Variants in C6 observed in about 807,000 individuals in gnomAD.
The protein encoded by C6 is complement component C6.
C6 carries 101 observed loss-of-function variants against 112.9 expected under a neutral mutation model. The ratio of observed to expected loss-of-function variants is 0.89; its 90% CI spans 0.76 to 1.06. C6 has a LOEUF of 1.06. Among genes scored for constraint, C6 ranks in the 50% least tolerant of loss-of-function variants. The pLI is 0.00. For missense variants in C6, 1,202 were observed against 1,104.6 expected (o/e 1.09, Z -1.25); for synonymous variants, 431 against 384.1 (o/e 1.12, Z -1.43).
At chr5:41,147,360 T>C (rs772896391) in intron 17 of C6, among the ~76,000 whole-genome samples, 4 of 152,172 alleles carry the variant, frequency 2.6e-5, no homozygotes, top group Non-Finnish European at 5.9e-5. Context: ...ATTGCTTTGT[T>C]TAGACATGGC....
chr5:41,215,076 A>G (rs956949746), upstream of C6, among the ~76,000 whole-genome samples: 1 of 152,306 alleles, frequency 6.6e-6, no homozygotes, highest in East Asian at 1.9e-4. Flanking sequence ...GTTAAATGAC[A>G]TATCTCACTC....
chr5:41,187,696 A>T (rs1345153037), intron 5 of C6, among the ~76,000 whole-genome samples: 1 of 46,046 alleles, frequency 2.2e-5, no homozygotes, highest in African/African-American at 1.3e-4. Flanking sequence ...ACAGACACAC[A>T]CATACACACA....
intron 9 of C6, among the ~76,000 whole-genome samples, chr5:41,162,739 T>C (rs1043032285): frequency 2.0e-5 from 3 of 152,168 alleles, no homozygotes; most frequent in African/African-American, 4.8e-5. Context: ...AGTAAGATAG[T>C]CTAGAATGAT....
intron 1 of C6, among the ~76,000 whole-genome samples, chr5:41,243,244 T>G (rs992092245): frequency 3.0e-4 from 46 of 152,232 alleles, no homozygotes; most frequent in African/African-American, 1.0e-3. Context: ...ATTGTATTCA[T>G]AAATCATAAC....
intron 4 of C6, among the ~76,000 whole-genome samples, chr5:41,197,552 C>T (rs553737538): frequency 1.3e-5 from 2 of 152,210 alleles, no homozygotes; most frequent in East Asian, 3.9e-4. Flanking sequence ...ACTAAAATCT[C>T]ACTTTGTTAG....
intron 7 of C6, among the ~76,000 whole-genome samples, chr5:41,180,678 A>G (rs1402520405): frequency 6.6e-6 from 1 of 152,148 alleles, no homozygotes; most frequent in East Asian, 1.9e-4. Flanking sequence ...CAGCAATGGA[A>G]ATTAGAAGAC....
intron 7 of C6, among the ~76,000 whole-genome samples, chr5:41,177,491 A>G (rs1212542989): frequency 1.3e-5 from 2 of 152,092 alleles, no homozygotes; most frequent in East Asian, 3.8e-4. Context: ...ATTTATGTAC[A>G]TTGTTTTAAA....
At chr5:41,160,485 T>A (rs1182327531) in intron 10 of C6, 118 bp from the exon 11 acceptor site, 2 of 789,152 alleles carry the variant, frequency 2.5e-6, no homozygotes, top group African/African-American at 1.7e-5. Context: ...TTCAAAGGGA[T>A]TATTGCAGAA....
At chr5:41,255,882 A>C (rs1741662971) in intron 1 of C6, among the ~76,000 whole-genome samples, 1 of 152,186 alleles carries the variant, frequency 6.6e-6, no homozygotes, top group Non-Finnish European at 1.5e-5. Flanking sequence ...GTTCCCAGGT[A>C]AGGCAAAATC....
At chr5:41,226,805 A>C (rs146165511) in intron 1 of C6, among the ~76,000 whole-genome samples, 172 of 152,280 alleles carry the variant, frequency 1.1e-3, no homozygotes, top group Middle Eastern at 3.4e-3. Context: ...TTTTAAGGCT[A>C]AATAGTATTC....
Position 41,155,157 on chromosome 5 carries a change from A to C in C6, c.1969-53T>G, listed in dbSNP as rs1746777789. ...TTAATGCTATGAATAACACTCTCTA[A>C]ACTCTTTAGTCTCACACTGATCCTT... On this transcript the variant is annotated intron_variant, in intron 13 of 17. Transcript: ENST00000337836. 2.7e-5 allele frequency: 41 copies of C among 1,524,052 alleles called. 1 individual carries two copies. The South Asian group carries it at 4.6e-4, about 17-fold the overall frequency. The allele number at this position is 1,524,052 out of a possible 1,614,324, so 94.4% of individuals were successfully genotyped here. A position where few individuals can be genotyped will look rare whatever the true frequency, so the allele number is the denominator to read the frequency against.
intron 5 of C6, among the ~76,000 whole-genome samples, chr5:41,187,642 C>T (rs1469214366): frequency 7.9e-5 from 12 of 151,888 alleles, no homozygotes; most frequent in Admixed American, 7.9e-4. Flanking sequence ...AATATAAATA[C>T]TTGTAAATTC....
intron 5 of C6, among the ~76,000 whole-genome samples, chr5:41,195,496 C>G (rs1750539986): frequency 6.6e-6 from 1 of 152,172 alleles, no homozygotes; most frequent in African/African-American, 2.4e-5. Context: ...CCAGTCTGCT[C>G]TAATCCATTC....
intron 17 of C6, 52 bp downstream of exon 17, chr5:41,149,189 C>A (rs182957986): frequency 1.1e-5 from 17 of 1,602,314 alleles, no homozygotes; most frequent in Non-Finnish European, 1.5e-5. Context: ...GATGTACTAG[C>A]TGAGATGAAG....
chr5:41,157,647 T>G (rs1456441307), intron 13 of C6, among the ~76,000 whole-genome samples: 1 of 152,154 alleles, frequency 6.6e-6, no homozygotes, highest in Admixed American at 6.6e-5. Context: ...GTTCCCAAAG[T>G]GTGGCTCCTA....
chr5:41,238,353 A>G (rs1740461429), intron 1 of C6, among the ~76,000 whole-genome samples: 1 of 151,624 alleles, frequency 6.6e-6, no homozygotes, highest in African/African-American at 2.4e-5. Flanking sequence ...AGTAACCAAA[A>G]CAGCATGGTA....
chr5:41,169,057 CT>C (rs1748209513), intron 9 of C6, among the ~76,000 whole-genome samples: 1 of 151,852 alleles, frequency 6.6e-6, no homozygotes, highest in African/African-American at 2.4e-5. Flanking sequence ...ATGGCCTGGC[CT>C]TTTTGTGAGG....
At chr5:41,198,428 A>T (rs1253138269) in intron 4 of C6, among the ~76,000 whole-genome samples, 1 of 152,190 alleles carries the variant, frequency 6.6e-6, no homozygotes, top group African/African-American at 2.4e-5. Context: ...TGCCAACTAT[A>T]TCTGTGACAA....
intron 17 of C6, among the ~76,000 whole-genome samples, chr5:41,148,408 A>C (rs573805346): frequency 2.8e-4 from 42 of 152,182 alleles, no homozygotes; most frequent in African/African-American, 9.4e-4. Context: ...ATACGGGGCC[A>C]CTCCTGAAAT....
Sources: allele counts gnomAD v4.1 joint callset (sites outside exome capture counted in the v4.1 genomes callset), GRCh38; gene constraint gnomAD v4.1.1; transcripts MANE v1.5; gene names NCBI Gene and HGNC (gene_info 2026-07-23, HGNC 2026-07-21).